Variants in KATNIP observed in about 807,000 individuals in gnomAD.
KATNIP encodes katanin interacting protein.
In KATNIP, 126 loss-of-function variants were observed where a neutral mutation model predicts 174.0. That is an observed-to-expected ratio of 0.72 (90% confidence interval 0.63 to 0.84). KATNIP has a LOEUF of 0.84. Ranked by LOEUF, KATNIP falls within the 40% of genes least tolerant of loss-of-function variation. The probability of loss-of-function intolerance (pLI) is 0.00; values close to 1 mark genes in which losing one functional copy is unlikely to be tolerated. For missense variants in KATNIP, 1,958 were observed against 2,109.7 expected (o/e 0.93, Z 1.41); for synonymous variants, 810 against 835.7 (o/e 0.97, Z 0.53).
chr16:27,735,453 C>T (rs2080863837), intron 14 of KATNIP, among the ~76,000 whole-genome samples: 1 of 152,246 alleles, frequency 6.6e-6, no homozygotes, highest in African/African-American at 2.4e-5. Context: ...CACCAGATAT[C>T]CCTGTGGCAG....
At chr16:27,667,554 A>G (rs1388999527) in intron 6 of KATNIP, among the ~76,000 whole-genome samples, 3 of 152,076 alleles carry the variant, frequency 2.0e-5, no homozygotes, top group Non-Finnish European at 4.4e-5. Flanking sequence ...AATGAGAGAC[A>G]TTATTGGGGT....
chr16:27,729,357 G>A (rs2048066929), intron 14 of KATNIP, among the ~76,000 whole-genome samples: 1 of 152,164 alleles, frequency 6.6e-6, no homozygotes, highest in African/African-American at 2.4e-5. Flanking sequence ...CTGCAATCTA[G>A]CGCCCATTAT....
At chr16:27,634,495 G>A (rs1384407475) in intron 5 of KATNIP, among the ~76,000 whole-genome samples, 1 of 152,202 alleles carries the variant, frequency 6.6e-6, no homozygotes, top group Non-Finnish European at 1.5e-5. Flanking sequence ...GGAAGGTGGG[G>A]TATCAGCATC....
chr16:27,772,775 TC>T (rs974767316), intron 22 of KATNIP, among the ~76,000 whole-genome samples: 1 of 151,954 alleles, frequency 6.6e-6, no homozygotes, highest in African/African-American at 2.4e-5. Flanking sequence ...GAGCACCCTC[TC>T]CTCCCGTCCT....
intron 22 of KATNIP, 118 bp from the exon 23 acceptor site, chr16:27,772,981 A>G: frequency 1.6e-6 from 1 of 627,934 alleles, no homozygotes; most frequent in Non-Finnish European, 2.8e-6. Flanking sequence ...TAAGAGAAAA[A>G]TGTTTTTCTC....
At chr16:27,603,568 G>C (rs1408797141) in intron 2 of KATNIP, among the ~76,000 whole-genome samples, 1 of 151,810 alleles carries the variant, frequency 6.6e-6, no homozygotes, top group African/African-American at 2.4e-5. Context: ...GAAGGGAAGA[G>C]GGAGCCCCTC....
chr16:27,748,401 A>G (rs555105617), intron 15 of KATNIP, among the ~76,000 whole-genome samples: 2 of 152,290 alleles, frequency 1.3e-5, no homozygotes, highest in Non-Finnish European at 2.9e-5. Flanking sequence ...CCTGGGCAAC[A>G]TGGCAAAACC....
At chr16:27,574,102 C>A in intron 2 of KATNIP, 146 bp downstream of exon 2, 1 of 652,532 alleles carries the variant, frequency 1.5e-6, no homozygotes, top group Non-Finnish European at 2.7e-6. Context: ...TAGTGAGCAA[C>A]TAGACTTACC....
At chr16:27,749,452 C>A in intron 15 of KATNIP, 132 bp from the exon 16 acceptor site, 2 of 1,089,416 alleles carry the variant, frequency 1.8e-6, no homozygotes, top group Non-Finnish European at 2.6e-6. Flanking sequence ...AACAACCCCG[C>A]TGGTTTCTAG....
intron 20 of KATNIP, among the ~76,000 whole-genome samples, chr16:27,768,698 G>C (rs1481614383): frequency 1.3e-5 from 2 of 152,174 alleles, no homozygotes; most frequent in Non-Finnish European, 2.9e-5. Flanking sequence ...CCAAGTTCTA[G>C]TGACAGCCAC....
At chr16:27,626,913 C>T (rs1436194255) in intron 3 of KATNIP, among the ~76,000 whole-genome samples, 1 of 150,700 alleles carries the variant, frequency 6.6e-6, no homozygotes, top group East Asian at 1.9e-4. Context: ...TGCAGTGAGC[C>T]GAGATCGCAC....
chr16:27,618,717 T>G (rs1190646302), intron 3 of KATNIP, among the ~76,000 whole-genome samples: 1 of 152,152 alleles, frequency 6.6e-6, no homozygotes, highest in Admixed American at 6.5e-5. Context: ...CTGCTCGATG[T>G]GTAAGTACCG....
chr16:27,743,800 GTTTCCAAACA>G (rs1361458293), intron 15 of KATNIP, among the ~76,000 whole-genome samples: 6 of 152,146 alleles, frequency 3.9e-5, no homozygotes, highest in Non-Finnish European at 8.8e-5. Context: ...TACCATACAT[GTTTCCAAACA>G]TTACCCTATA....
intron 6 of KATNIP, among the ~76,000 whole-genome samples, chr16:27,677,004 T>C (rs1185927269): frequency 6.6e-6 from 1 of 152,118 alleles, no homozygotes; most frequent in Non-Finnish European, 1.5e-5. Flanking sequence ...GTAAATATAG[T>C]AGTGCTCGCT....
chr16:27,603,654 A>G (rs1013475718), intron 2 of KATNIP, among the ~76,000 whole-genome samples: 2 of 151,124 alleles, frequency 1.3e-5, no homozygotes, highest in Non-Finnish European at 2.9e-5. Context: ...GACGTTGCCC[A>G]GGTTGGTCTC....
At chr16:27,738,807 A>G (rs2080995248) in intron 14 of KATNIP, among the ~76,000 whole-genome samples, 1 of 152,154 alleles carries the variant, frequency 6.6e-6, no homozygotes, top group Non-Finnish European at 1.5e-5. Flanking sequence ...TGAACATGGG[A>G]CAGTCCCCGC....
At chr16:27,760,810 G>T (rs1428635536) in intron 18 of KATNIP, among the ~76,000 whole-genome samples, 3 of 152,338 alleles carry the variant, frequency 2.0e-5, no homozygotes, top group Non-Finnish European at 4.4e-5. Context: ...GGCTTGGAAA[G>T]GGAAGTGTAC....
chr16:27,610,935 C>T (rs1387451887), intron 2 of KATNIP, among the ~76,000 whole-genome samples: 1 of 152,174 alleles, frequency 6.6e-6, no homozygotes, highest in Non-Finnish European at 1.5e-5. Context: ...CCCCTCTCTG[C>T]TTCCACTTGT....
At chr16:27,615,729 T>C (rs2076020063) in intron 2 of KATNIP, among the ~76,000 whole-genome samples, 1 of 152,106 alleles carries the variant, frequency 6.6e-6, no homozygotes, top group Non-Finnish European at 1.5e-5. Context: ...CAACTTGGAA[T>C]GGCATGACAG....
Sources: allele counts gnomAD v4.1 joint callset (sites outside exome capture counted in the v4.1 genomes callset), GRCh38; gene constraint gnomAD v4.1.1; transcripts MANE v1.5; gene names NCBI Gene and HGNC (gene_info 2026-07-23, HGNC 2026-07-21).